Variants in GGA3 observed in about 807,000 individuals in gnomAD.
GGA3 encodes the protein golgi associated, gamma adaptin ear containing, ARF binding protein 3, also known as ADP-ribosylation factor-binding protein GGA3.
Under a neutral mutation model 77.5 loss-of-function variants are expected in GGA3, and 57 were observed. The ratio of observed to expected loss-of-function variants is 0.74; its 90% CI spans 0.59 to 0.92. The LOEUF (loss-of-function observed/expected upper bound fraction) is 0.92, where lower values mean the gene tolerates loss of function less well. GGA3 is among the 40% of genes least tolerant of loss of function. GGA3 has a pLI of 0.00. For missense variants in GGA3, 970 were observed against 914.9 expected, an observed-to-expected ratio of 1.06 and a Z score of -0.78; for synonymous variants, 416 against 383.7, an observed-to-expected ratio of 1.08 and a Z score of -0.98.
intron 5 of GGA3, 47 bp downstream of exon 5, chr17:75,243,400 C>T: frequency 6.2e-7 from 1 of 1,610,146 alleles, no homozygotes; most frequent in Non-Finnish European, 8.5e-7. Flanking sequence ...CTTGCCTGGG[C>T]CAGCCTTCGA....
Position 75,239,363 on chromosome 17 carries a change from T to C in GGA3, c.1780+12A>G. 1 of 1,530,630 alleles carries C rather than the reference T, an allele frequency of 6.5e-7. No homozygotes were observed. Among genetic ancestry groups the C allele is most frequent in the Non-Finnish European group, 8.7e-7 (1 of 1,143,290 alleles). 94.8% of individuals were successfully genotyped at this position (1,530,630 alleles called of 1,614,324 possible). On this transcript the variant is annotated intron_variant, in intron 14 of 16. Coordinates refer to ENST00000537686, the MANE Select transcript of GGA3 (RefSeq NM_138619.4). The stretch of plus-strand genomic sequence containing the variant: ...CCCACCGCCCCACCCACCTCAATCC[T>C]CCAACACCTACTAGGCTTGATCGAT...
rs762951347 is a variant in GGA3, at chr17:75,240,778, AG to A, written c.1192+33del. 8.9e-6 allele frequency: 14 copies of A among 1,579,278 alleles called. No individual in the cohort carries two copies. In the African/African-American group the frequency reaches 1.5e-4, roughly 17 times the overall value. ...ACACCCTTCCTCCCAGAGCCCTGTCAGGGGATGCCCCTGACGCCCCCTGTGG... is the reference window on the plus strand; with the variant it reads ...ACACCCTTCCTCCCAGAGCCCTGTCAGGGATGCCCCTGACGCCCCCTGTGG... On this transcript the variant is annotated intron_variant, in intron 11 of 16. Coordinates refer to ENST00000537686, the MANE Select transcript of GGA3 (RefSeq NM_138619.4).
At chr17:75,258,846 C>T (rs1299504180) in intron 1 of GGA3, among the ~76,000 whole-genome samples, 4 of 146,930 alleles carry the variant, frequency 2.7e-5, no homozygotes, top group African/African-American at 1.0e-4. Context: ...TCCAACTTTT[C>T]CCATTATTTA....
At chr17:75,256,588 G>C (rs1196014717) in intron 1 of GGA3, among the ~76,000 whole-genome samples, 1 of 152,126 alleles carries the variant, frequency 6.6e-6, no homozygotes, top group East Asian at 1.9e-4. Flanking sequence ...CCACACAGCA[G>C]CAAAGGCAGG....
rs1203134115 is a variant in GGA3 at position 75,242,462 on chromosome 17, C to T, written c.621G>A (p.Arg207=). The T allele has an allele frequency of 6.2e-7, 1 of 1,614,096 alleles. No homozygotes were observed. Among genetic ancestry groups the T allele is most frequent in the Admixed American group, 1.7e-5 (1 of 60,006 alleles). The change falls in exon 8 of 17, where the codon CGG becomes CGA. Residue 207 remains arginine (R), a synonymous_variant. Transcript: ENST00000537686. Reference sequence around the variant, plus strand: ...GCAGACGCTTGGTCACCTTCTGGATCCGTGCCTCGTCCTGCCCCAGTGAAG... The same window carrying T: ...GCAGACGCTTGGTCACCTTCTGGATTCGTGCCTCGTCCTGCCCCAGTGAAG... ...IKSMVKEDEA[R]IQKVTKRLHT...
upstream of GGA3, chr17:75,261,693 A>G (rs1173793874): frequency 1.6e-6 from 2 of 1,242,060 alleles, no homozygotes. Flanking sequence ...GCCGTCACCG[A>G]GGGCCGCGCC....
intron 1 of GGA3, among the ~76,000 whole-genome samples, chr17:75,259,190 G>A (rs1368848349): frequency 2.6e-5 from 4 of 151,998 alleles, no homozygotes; most frequent in Non-Finnish European, 4.4e-5. Flanking sequence ...TCCTGACCTC[G>A]TGATCCACCC....
At chr17:75,246,882 A>T (rs902219096) in intron 1 of GGA3, 86 bp from the exon 2 acceptor site, 21 of 1,036,006 alleles carry the variant, frequency 2.0e-5, no homozygotes, top group Non-Finnish European at 2.7e-5. Flanking sequence ...TTTAAGCACT[A>T]AGAGTTTGCT....
At chr17:75,239,307 T>A in intron 14 of GGA3, 68 bp downstream of exon 14, 3 of 1,331,302 alleles carry the variant, frequency 2.3e-6, no homozygotes, top group Non-Finnish European at 2.1e-6. Context: ...TCCATCCCTG[T>A]CGCATGTCCT....
chr17:75,238,691 T>G lies in GGA3; in HGVS notation c.2022A>C (p.Ala674=). 1.9e-6 allele frequency: 3 copies of G among 1,614,012 alleles called. No homozygotes were observed. The highest frequency in any genetic ancestry group is 2.5e-6 in the Non-Finnish European group (3 of 1,179,906). The change falls in exon 16 of 17, where the codon GCA becomes GCC. Residue 674 remains alanine (A), a synonymous_variant. Transcript: ENST00000537686. Reference sequence around the variant, plus strand: ...CCAGCAACATGACCTGGGTGATGGCTGCAGGTGGCTGGATGGGGCTAAATG... The same window carrying G: ...CCAGCAACATGACCTGGGTGATGGCGGCAGGTGGCTGGATGGGGCTAAATG... The part of the protein sequence containing the change: ...LSPFSPIQPP[A]AITQVMLLAN...
intron 1 of GGA3, among the ~76,000 whole-genome samples, chr17:75,260,917 T>C (rs531054507): frequency 7.3e-5 from 11 of 151,714 alleles, no homozygotes; most frequent in South Asian, 4.2e-4. Flanking sequence ...GGTATATGTA[T>C]GTGTGTGGGG....
rs2076367580 is a variant in GGA3, at chr17:75,237,698, T to C, written c.*581A>G. On this transcript the variant is annotated 3_prime_UTR_variant, in exon 17 of 17. Transcript: ENST00000537686. ...CTCCGTGGCCATTCCAGGACGATGC[T>C]GTCCACCAGAGGCAGGGCTGGGGAC... is the stretch of plus-strand genomic sequence containing the variant. The C allele has an allele frequency of 3.4e-6, 5 of 1,456,584 alleles. No homozygotes were observed. Among genetic ancestry groups the C allele is most frequent in the Non-Finnish European group, 3.6e-6 (4 of 1,105,748 alleles). 90.2% of individuals were successfully genotyped at this position (1,456,584 alleles called of 1,614,324 possible).
At position 75,239,537 on chromosome 17, in the gene GGA3, G is replaced by C; in HGVS notation, c.1618C>G (p.Leu540Val). 6.4e-7 allele frequency: 1 copy of C among 1,563,636 alleles called. No homozygotes were observed. The highest frequency in any genetic ancestry group is 1.7e-4 in the Middle Eastern group (1 of 5,948). ...CTGGCTGGGGTGGTGGTGGGGATGA[G>C]AGGGGAGGTAGTGGGTTTCACCAAG... ...SGLVKPTTSP[L>V]IPTTTPARPL... The change falls in exon 14 of 17, where the codon CTC becomes GTC. Residue 540 changes from leucine to valine, a missense_variant. Coordinates refer to ENST00000537686, the MANE Select transcript of GGA3 (RefSeq NM_138619.4).
intron 1 of GGA3, among the ~76,000 whole-genome samples, chr17:75,260,739 C>A (rs955052940): frequency 1.3e-5 from 2 of 152,204 alleles, no homozygotes; most frequent in African/African-American, 4.8e-5. Context: ...CTTATTAACC[C>A]TCAGGCAGAG....
chr17:75,244,852 T>C, intron 3 of GGA3, 135 bp from the exon 4 acceptor site: 2 of 676,558 alleles, frequency 3.0e-6, no homozygotes, highest in Non-Finnish European at 5.3e-6. Flanking sequence ...AAAAGCAGTG[T>C]GCACTGCCCG....
At chr17:75,248,127 TACTTTCTGAATTCTG>T (rs1470342569) in intron 1 of GGA3, among the ~76,000 whole-genome samples, 1 of 152,184 alleles carries the variant, frequency 6.6e-6, no homozygotes, top group Non-Finnish European at 1.5e-5. Flanking sequence ...TCTCTGTCAT[TACTTTCTGAATTCTG>T]ATTTCTCATA....
chr17:75,246,468 G>A (rs1055007080), intron 3 of GGA3, 41 bp downstream of exon 3: 7 of 1,332,294 alleles, frequency 5.3e-6, no homozygotes, highest in Non-Finnish European at 7.6e-6. Flanking sequence ...GTGGGCAGGT[G>A]AAGGGCTGCG....
intron 8 of GGA3, 141 bp from the exon 9 acceptor site, chr17:75,241,837 C>T: frequency 6.9e-6 from 5 of 728,048 alleles, no homozygotes; most frequent in South Asian, 6.3e-5. Flanking sequence ...TCACAGCGCA[C>T]GTCTTCTTGC....
rs1385065010 is a variant in GGA3 at position 75,237,378 on chromosome 17, AGAG to A, written c.*898_*900del. The A allele has an allele frequency of 2.8e-5, 29 of 1,032,350 alleles. No individual in the cohort carries two copies. The highest frequency in any genetic ancestry group is 8.1e-5 in the South Asian group (6 of 73,820). The allele number at this position is 1,032,350 out of a possible 1,614,324, so 63.9% of individuals were successfully genotyped here. A position where few individuals can be genotyped will look rare whatever the true frequency, so the allele number is the denominator to read the frequency against. On this transcript the variant is annotated 3_prime_UTR_variant, in exon 17 of 17. Coordinates refer to ENST00000537686, the MANE Select transcript of GGA3 (RefSeq NM_138619.4). ...GTGCCACACCACATGCCATCTGGTGAGAGGAGAGGGAGGCCAAAGCAGTAGGAT... is the reference window on the plus strand; with the variant it reads ...GTGCCACACCACATGCCATCTGGTGAGAGAGGGAGGCCAAAGCAGTAGGAT...
Sources: gnomAD v4.1 joint callset for allele counts (sites outside exome capture counted in the v4.1 genomes callset) on GRCh38, gnomAD v4.1.1 for gene constraint, MANE v1.5 for transcripts, NCBI Gene and HGNC (gene_info 2026-07-23, HGNC 2026-07-21) for gene names.